VTI1A: variants seen among roughly 807,000 people sequenced by gnomAD.
VTI1A encodes vesicle transport through interaction with t-SNAREs 1A.
VTI1A carries 22 observed loss-of-function variants against 34.9 expected under a neutral mutation model. That is an observed-to-expected ratio of 0.63 (90% CI 0.45 to 0.90). The LOEUF (loss-of-function observed/expected upper bound fraction) is 0.90. Ranked by LOEUF, VTI1A falls within the 40% of genes least tolerant of loss-of-function variation. VTI1A has a pLI of 0.00. For missense variants in VTI1A, 268 were observed against 275.6 expected (o/e 0.97, Z 0.20); for synonymous variants, 87 against 97.3 (o/e 0.89, Z 0.62).
chr10:112,821,293 G>A (rs1853649547), downstream of VTI1A, among the ~76,000 whole-genome samples: 1 of 151,986 alleles, frequency 6.6e-6, no homozygotes. Context: ...TTTCCTGGGG[G>A]CAGGACCAGC....
chr10:112,587,373 T>C (rs1844201706), intron 5 of VTI1A, among the ~76,000 whole-genome samples: 1 of 152,012 alleles, frequency 6.6e-6, no homozygotes, highest in Non-Finnish European at 1.5e-5. Flanking sequence ...GCTTATAACA[T>C]AGGAGAAGGA....
chr10:112,671,994 A>G (rs1054503388), intron 7 of VTI1A: 4 of 152,186 alleles, frequency 2.6e-5, no homozygotes, highest in Admixed American at 2.6e-4. Context: ...TTAGTGTAGT[A>G]GAGGACGTAT....
intron 5 of VTI1A, among the ~76,000 whole-genome samples, chr10:112,664,672 C>G (rs1313100978): frequency 6.6e-6 from 1 of 152,110 alleles, no homozygotes; most frequent in Non-Finnish European, 1.5e-5. Flanking sequence ...TAGCCAAAAA[C>G]CCTTTTGCAC....
intron 7 of VTI1A, among the ~76,000 whole-genome samples, chr10:112,777,840 C>T (rs527427097): frequency 1.4e-4 from 22 of 152,294 alleles, no homozygotes; most frequent in African/African-American, 1.9e-4. Context: ...CCGTGGCTCA[C>T]GCCTGTAATC....
intron 3 of VTI1A, among the ~76,000 whole-genome samples, chr10:112,469,306 C>T (rs1326019491): frequency 6.6e-6 from 1 of 152,014 alleles, no homozygotes; most frequent in African/African-American, 2.4e-5. Flanking sequence ...TTTTCCTAAT[C>T]GTCCCACTCC....
chr10:112,847,928 G>T, the VTI1A span, among the ~76,000 whole-genome samples: 1 of 152,070 alleles, frequency 6.6e-6, no homozygotes, highest in Non-Finnish European at 1.5e-5. Flanking sequence ...AAGTAAAGAA[G>T]AAACCATCTT....
chr10:112,486,097 A>T (rs1848616110), intron 3 of VTI1A, among the ~76,000 whole-genome samples: 1 of 152,216 alleles, frequency 6.6e-6, no homozygotes, highest in African/African-American at 2.4e-5. Context: ...ATGTTAAAAC[A>T]CTTCTTATAA....
At chr10:112,819,993 C>T (rs1328896261), downstream of VTI1A, among the ~76,000 whole-genome samples, 1 of 152,204 alleles carries the variant, frequency 6.6e-6, no homozygotes, top group African/African-American at 2.4e-5. Flanking sequence ...ACGTTCCTTG[C>T]TCAGTGTAGC....
At chr10:112,661,095 C>T (rs1011068276) in intron 5 of VTI1A, among the ~76,000 whole-genome samples, 3 of 152,224 alleles carry the variant, frequency 2.0e-5, no homozygotes, top group East Asian at 1.9e-4. Context: ...ATTCTCCCAC[C>T]TCAGCCTCCC....
At chr10:112,506,141 A>G (rs896260613) in intron 3 of VTI1A, among the ~76,000 whole-genome samples, 3 of 152,102 alleles carry the variant, frequency 2.0e-5, no homozygotes, top group Admixed American at 6.6e-5. Flanking sequence ...GGTCTAGCCT[A>G]TTGTTCCTAG....
chr10:112,801,392 C>T (rs1852871260), intron 7 of VTI1A, among the ~76,000 whole-genome samples: 1 of 152,150 alleles, frequency 6.6e-6, no homozygotes, highest in Non-Finnish European at 1.5e-5. Flanking sequence ...GAAAAAGATA[C>T]TCTCTTTTTA....
intron 5 of VTI1A, among the ~76,000 whole-genome samples, chr10:112,629,118 C>T (rs1427554057): frequency 6.6e-6 from 1 of 152,202 alleles, no homozygotes; most frequent in Non-Finnish European, 1.5e-5. Context: ...AAGTGAATGG[C>T]TTCTGGGGTA....
chr10:112,642,922 T>G, intron 5 of VTI1A, among the ~76,000 whole-genome samples: 1 of 152,052 alleles, frequency 6.6e-6, no homozygotes, highest in Non-Finnish European at 1.5e-5. Context: ...GAACTGTATT[T>G]AAATGCATGT....
At chr10:112,541,821 G>A (rs74158736) in intron 5 of VTI1A, among the ~76,000 whole-genome samples, 6,165 of 152,216 alleles carry the variant, frequency 0.041, 424 homozygotes, top group African/African-American at 0.14. Flanking sequence ...TGATATGCAC[G>A]GAGTTTAATA....
the VTI1A span, among the ~76,000 whole-genome samples, chr10:112,835,854 A>G: frequency 6.6e-6 from 1 of 152,194 alleles, no homozygotes; most frequent in South Asian, 2.1e-4. Flanking sequence ...GCAGTAATGT[A>G]TTTTTAAATT....
chr10:112,534,028 T>C (rs1850538512), intron 4 of VTI1A, among the ~76,000 whole-genome samples: 2 of 152,140 alleles, frequency 1.3e-5, no homozygotes, highest in South Asian at 4.1e-4. Context: ...ATTATCCTTT[T>C]GGGGAAACAC....
At chr10:112,534,256 TTAA>T (rs1472082628) in intron 4 of VTI1A, among the ~76,000 whole-genome samples, 1 of 152,156 alleles carries the variant, frequency 6.6e-6, no homozygotes, top group Non-Finnish European at 1.5e-5. Context: ...TATCCTTGTA[TTAA>T]TGAGGGATGC....
At chr10:112,526,345 G>A (rs1850223038) in intron 3 of VTI1A, among the ~76,000 whole-genome samples, 1 of 152,108 alleles carries the variant, frequency 6.6e-6, no homozygotes, top group South Asian at 2.1e-4. Context: ...TATTTACTGG[G>A]ACTGTGAAAA....
intron 7 of VTI1A, among the ~76,000 whole-genome samples, chr10:112,780,990 C>T (rs932808440): frequency 6.6e-6 from 1 of 152,150 alleles, no homozygotes; most frequent in South Asian, 2.1e-4. Flanking sequence ...GACGAAGTCT[C>T]GCTCTGTTGC....
Sources: allele counts gnomAD v4.1 joint callset (sites outside exome capture counted in the v4.1 genomes callset), GRCh38; gene constraint gnomAD v4.1.1; transcripts MANE v1.5; gene names NCBI Gene and HGNC (gene_info 2026-07-23, HGNC 2026-07-21).